Variants in TBPL2 observed in about 807,000 individuals in gnomAD.
The protein encoded by TBPL2 is TATA box-binding protein-like 2.
A neutral mutation model predicts 38.2 loss-of-function variants in TBPL2; 40 were observed. That is an observed-to-expected ratio of 1.05 (90% CI 0.81 to 1.36). TBPL2 has a LOEUF of 1.36. Ranked by LOEUF, TBPL2 falls within the 40% of genes most tolerant of loss-of-function variation. The probability of loss-of-function intolerance (pLI) is 0.00; values close to 1 mark genes in which losing one functional copy is unlikely to be tolerated. For missense variants in TBPL2, 461 were observed against 456.7 expected (o/e 1.01, Z -0.09); for synonymous variants, 169 against 171.7 (o/e 0.98, Z 0.12).
intron 6 of TBPL2, among the ~76,000 whole-genome samples, chr14:55,422,830 G>C (rs1357555461): frequency 1.3e-5 from 2 of 152,084 alleles, no homozygotes; most frequent in African/African-American, 4.8e-5. Context: ...TCCAGCCTGG[G>C]CAACAGAGTG....
intron 4 of TBPL2, among the ~76,000 whole-genome samples, chr14:55,430,615 C>A (rs1885911114): frequency 1.3e-5 from 2 of 152,034 alleles, no homozygotes; most frequent in South Asian, 4.1e-4. Flanking sequence ...AGGCTGGGCT[C>A]AAACTCCAGG....
Position 55,436,550 on chromosome 14 carries a change from T to TA in TBPL2, c.608+10dup. On this transcript the variant is annotated intron_variant, in intron 2 of 6. Coordinates refer to ENST00000247219, the Ensembl canonical transcript of TBPL2. ...CCAATGTGCTCAATTAAAACAAAAA[T>TA]AAAAACTTACTGTAGTTGAGGTACA... 6.2e-7 allele frequency: 1 copy of TA among 1,609,536 alleles called. No individual in the cohort carries two copies. The highest frequency in any genetic ancestry group is 8.5e-7 in the Non-Finnish European group (1 of 1,176,370).
intron 6 of TBPL2, among the ~76,000 whole-genome samples, chr14:55,415,577 A>G (rs1885655971): frequency 6.6e-6 from 1 of 152,208 alleles, no homozygotes; most frequent in African/African-American, 2.4e-5. Context: ...AACAATTTAT[A>G]GTGTAGGCGG....
Position 55,440,428 on chromosome 14 carries a change from G to C in TBPL2, c.118C>G (p.Leu40Val), listed in dbSNP as rs367773000. 7 of 1,612,994 alleles carry C rather than the reference G, an allele frequency of 4.3e-6. No homozygotes were observed. In the African/African-American group the frequency reaches 9.3e-5, roughly 22 times the overall value. The change falls in exon 1 of 7, where the codon CTG becomes GTG. Residue 40 changes from leucine to valine, a missense_variant. Transcript: ENST00000247219. Reference sequence around the variant, plus strand: ...GCGCACTGGTCCAGGTAGAGCTCCAGGTAGGTCTCCTCCTGCTCCATGGAC... The same window carrying C: ...GCGCACTGGTCCAGGTAGAGCTCCACGTAGGTCTCCTCCTGCTCCATGGAC...
At chr14:55,423,402 C>T (rs977677700) in intron 6 of TBPL2, among the ~76,000 whole-genome samples, 3 of 152,042 alleles carry the variant, frequency 2.0e-5, no homozygotes, top group Non-Finnish European at 4.4e-5. Context: ...TTCTGAGTGT[C>T]CACACTAATA....
chr14:55,419,558 G>A (rs1012269245), intron 6 of TBPL2, among the ~76,000 whole-genome samples: 1 of 152,182 alleles, frequency 6.6e-6, no homozygotes, highest in Non-Finnish European at 1.5e-5. Flanking sequence ...CTGGGCCCAG[G>A]TCCTGTTGCT....
At chr14:55,440,435 C>A in exon 1 of TBPL2, 1 of 1,613,062 alleles carries the variant, frequency 6.2e-7, no homozygotes, top group East Asian at 2.2e-5. Flanking sequence ...CCAGGTAGGT[C>A]TCCTCCTGCT....
At chr14:55,433,241 A>C (rs1340867831) in intron 4 of TBPL2, among the ~76,000 whole-genome samples, 1 of 149,948 alleles carries the variant, frequency 6.7e-6, no homozygotes, top group Admixed American at 6.6e-5. Context: ...TGATCCTCCC[A>C]CCTCAGCTTC....
intron 4 of TBPL2, among the ~76,000 whole-genome samples, chr14:55,433,187 G>A (rs1462335078): frequency 5.9e-5 from 9 of 152,014 alleles, no homozygotes; most frequent in African/African-American, 2.2e-4. Flanking sequence ...GGACTGCAGT[G>A]GTATGATCAT....
intron 6 of TBPL2, among the ~76,000 whole-genome samples, chr14:55,416,660 CTTTAG>C (rs1885673962): frequency 6.6e-6 from 1 of 152,134 alleles, no homozygotes; most frequent in Admixed American, 6.5e-5. Flanking sequence ...AAACCAAACT[CTTTAG>C]AAACTAAACA....
At chr14:55,427,832 T>C (rs530212525) in intron 5 of TBPL2, among the ~76,000 whole-genome samples, 106 of 145,172 alleles carry the variant, frequency 7.3e-4, no homozygotes, top group African/African-American at 1.8e-3. Flanking sequence ...TGCAGCTATA[T>C]ACACACACAC....
chr14:55,425,512 A>T (rs1449104805), intron 5 of TBPL2, among the ~76,000 whole-genome samples: 1 of 152,260 alleles, frequency 6.6e-6, no homozygotes, highest in East Asian at 1.9e-4. Context: ...ATGTGCTCCC[A>T]ATTAGGAATA....
intron 6 of TBPL2, among the ~76,000 whole-genome samples, chr14:55,417,373 T>C (rs1420057904): frequency 6.7e-6 from 1 of 148,614 alleles, no homozygotes; most frequent in Non-Finnish European, 1.5e-5. Context: ...CTAAATTGGC[T>C]CCATAGTCCT....
intron 6 of TBPL2, among the ~76,000 whole-genome samples, chr14:55,417,406 A>G (rs1885684243): frequency 6.6e-6 from 1 of 150,980 alleles, no homozygotes; most frequent in South Asian, 2.1e-4. Flanking sequence ...TCAATAATCA[A>G]AAACCCCAAT....
intron 4 of TBPL2, 64 bp from the exon 5 acceptor site, chr14:55,429,038 G>GT (rs1885879894): frequency 1.3e-6 from 2 of 1,566,282 alleles, no homozygotes; most frequent in Admixed American, 3.4e-5. Flanking sequence ...TACTGGTGTT[G>GT]TATTGGATTG....
chr14:55,429,007 T>TA, intron 4 of TBPL2, 33 bp from the exon 5 acceptor site: 1 of 1,610,548 alleles, frequency 6.2e-7, no homozygotes, highest in South Asian at 1.1e-5. Context: ...AAAGATGTCT[T>TA]AATCGCTACA....
At chr14:55,416,967 G>A (rs945978674) in intron 6 of TBPL2, among the ~76,000 whole-genome samples, 7 of 152,216 alleles carry the variant, frequency 4.6e-5, no homozygotes, top group Admixed American at 3.9e-4. Flanking sequence ...CAGGAGTAGA[G>A]CATTGGACTT....
At chr14:55,420,481 G>C (rs1478923064) in intron 6 of TBPL2, among the ~76,000 whole-genome samples, 1 of 152,184 alleles carries the variant, frequency 6.6e-6, no homozygotes, top group African/African-American at 2.4e-5. Flanking sequence ...GTTTAAGACA[G>C]TATAGCATGA....
intron 6 of TBPL2, among the ~76,000 whole-genome samples, chr14:55,421,601 T>A (rs1486305400): frequency 6.6e-6 from 1 of 152,046 alleles, no homozygotes; most frequent in Non-Finnish European, 1.5e-5. Flanking sequence ...GTAGCTGGGG[T>A]CACAGGTGCC....
Sources: gnomAD v4.1 joint callset for allele counts (sites outside exome capture counted in the v4.1 genomes callset) on GRCh38, gnomAD v4.1.1 for gene constraint, MANE v1.5 for transcripts, NCBI Gene and HGNC (gene_info 2026-07-23, HGNC 2026-07-21) for gene names.